IL1R2: variants seen among roughly 807,000 people sequenced by gnomAD.
IL1R2 encodes the protein interleukin 1 receptor type 2.
IL1R2 carries 46 observed loss-of-function variants against 39.5 expected under a neutral mutation model. That is an observed-to-expected ratio of 1.16 (90% CI 0.92 to 1.49). The LOEUF (loss-of-function observed/expected upper bound fraction) is 1.49, where lower values mean the gene tolerates loss of function less well. Among genes scored for constraint, IL1R2 ranks in the 40% most tolerant of loss-of-function variants. The pLI, the probability that IL1R2 is intolerant of heterozygous loss-of-function variation, is 0.00. For missense variants in IL1R2, 537 were observed against 502.0 expected, an observed-to-expected ratio of 1.07 and a Z score of -0.67; for synonymous variants, 207 against 189.6, an observed-to-expected ratio of 1.09 and a Z score of -0.75.
In IL1R2 at chr2:102,019,805, C is replaced by A; in HGVS notation, c.681C>A (p.Arg227=). The change falls in exon 5 of 9, where the codon CGC becomes CGA. Residue 227 remains arginine, a synonymous_variant. Coordinates refer to ENST00000332549, the MANE Select transcript of IL1R2 (RefSeq NM_004633.4). ...ACATCACTAGGAGTATTGAGCTACG[C>A]ATCAAGAGTAAGTACTTGCCATTGA... ...QYNITRSIEL[R]IKKKKEETIP... The A allele has an allele frequency of 6.2e-7, 1 of 1,613,342 alleles. No individual in the cohort carries two copies. The highest frequency in any genetic ancestry group is 8.5e-7 in the Non-Finnish European group (1 of 1,179,602).
chr2:102,000,654 T>C (rs1365500899), intron 1 of IL1R2, among the ~76,000 whole-genome samples: 2 of 152,134 alleles, frequency 1.3e-5, no homozygotes, highest in Admixed American at 6.5e-5. Context: ...CAGATAGACT[T>C]AATGGCTTCT....
At chr2:102,023,843 C>G (rs898743327) in intron 6 of IL1R2, among the ~76,000 whole-genome samples, 1 of 151,656 alleles carries the variant, frequency 6.6e-6, no homozygotes, top group South Asian at 2.1e-4. Context: ...GTTAGGAGAT[C>G]GAGACCATCC....
chr2:102,016,726 A>G (rs1433074602), intron 4 of IL1R2, among the ~76,000 whole-genome samples: 1 of 152,224 alleles, frequency 6.6e-6, no homozygotes, highest in Admixed American at 6.5e-5. Context: ...GGGCATTTAC[A>G]TTGTATTAGT....
At chr2:101,997,092 G>T (rs1675627845) in intron 1 of IL1R2, among the ~76,000 whole-genome samples, 1 of 152,174 alleles carries the variant, frequency 6.6e-6, no homozygotes, top group African/African-American at 2.4e-5. Context: ...GTGGTGGGCA[G>T]CTGATCCACA....
At chr2:102,025,380 A>G (rs1458960120) in intron 7 of IL1R2, among the ~76,000 whole-genome samples, 2 of 152,250 alleles carry the variant, frequency 1.3e-5, no homozygotes, top group Non-Finnish European at 2.9e-5. Context: ...GTGGATAAAA[A>G]CTATGTGTGG....
At position 102,028,471 on chromosome 2, in the gene IL1R2, T is replaced by G. The variant is rs1004609913; in HGVS notation, c.*79T>G. 3 of 1,288,564 alleles carry G rather than the reference T, an allele frequency of 2.3e-6. No individual in the cohort carries two copies. Among genetic ancestry groups the G allele is most frequent in the Admixed American group, 4.8e-5 (2 of 41,900 alleles). The allele number at this position is 1,288,564 out of a possible 1,614,324, so 79.8% of individuals were successfully genotyped here. ...AAGTGGCTGTGTCTTTTTGAGGGAC[T>G]CTGTTCTTTGCCTCAGTTGTCTACC... On this transcript the variant is annotated 3_prime_UTR_variant, in exon 9 of 9. Transcript: ENST00000332549.
chr2:102,005,534 T>C (rs1676207648), intron 1 of IL1R2, among the ~76,000 whole-genome samples: 2 of 152,138 alleles, frequency 1.3e-5, no homozygotes, highest in Non-Finnish European at 2.9e-5. Flanking sequence ...AGGACTCAGG[T>C]TCCCCTCTTA....
At chr2:102,013,551 AAGG>A (rs1559421378) in intron 3 of IL1R2, among the ~76,000 whole-genome samples, 53 of 119,542 alleles carry the variant, frequency 4.4e-4, no homozygotes, top group Middle Eastern at 4.3e-3. Flanking sequence ...AAAAAAAAAA[AAGG>A]AAAGAAAGAA....
chr2:101,993,027 G>A (rs1462701153), intron 1 of IL1R2, among the ~76,000 whole-genome samples: 1 of 152,104 alleles, frequency 6.6e-6, no homozygotes, highest in Non-Finnish European at 1.5e-5. Flanking sequence ...AAATCGCAGT[G>A]GAATCTAACA....
At chr2:101,993,649 T>G (rs905538065) in intron 1 of IL1R2, among the ~76,000 whole-genome samples, 1 of 152,202 alleles carries the variant, frequency 6.6e-6, no homozygotes, top group Non-Finnish European at 1.5e-5. Flanking sequence ...TGTTTCTCCC[T>G]ATCTCTGTTC....
intron 1 of IL1R2, among the ~76,000 whole-genome samples, chr2:101,999,916 TTA>T (rs1675767194): frequency 6.6e-6 from 1 of 152,254 alleles, no homozygotes; most frequent in Non-Finnish European, 1.5e-5. Flanking sequence ...TATAGAACAC[TTA>T]TATGTTCTAT....
chr2:102,008,526 C>G lies in IL1R2; in HGVS notation c.-50C>G, dbSNP rs367941183. On this transcript the variant is annotated 5_prime_UTR_variant, in exon 2 of 9. Transcript: ENST00000332549. ...GTTTCCTCCCCTAGGCCACGTGCTG[C>G]TGGGTCTCAGTCCTCCACTTCCCGT... is the stretch of plus-strand genomic sequence containing the variant. 2.7e-6 allele frequency: 4 copies of G among 1,477,906 alleles called. No individual in the cohort carries two copies. The highest frequency in any genetic ancestry group is 3.8e-6 in the Non-Finnish European group (4 of 1,056,116). The allele number at this position is 1,477,906 out of a possible 1,614,324, so 91.5% of individuals were successfully genotyped here. A position where few individuals can be genotyped will look rare whatever the true frequency, so the allele number is the denominator to read the frequency against.
chr2:102,022,379 C>G (rs904641431), intron 6 of IL1R2, 130 bp downstream of exon 6: 7 of 743,444 alleles, frequency 9.4e-6, no homozygotes, highest in Admixed American at 2.2e-5. Flanking sequence ...GGGTGGAGAC[C>G]TTAGAACTCC....
At chr2:102,000,461 G>A (rs1234186701) in intron 1 of IL1R2, among the ~76,000 whole-genome samples, 1 of 152,156 alleles carries the variant, frequency 6.6e-6, no homozygotes, top group Non-Finnish European at 1.5e-5. Context: ...AGACTTCTTT[G>A]GAGCTTCCCC....
intron 3 of IL1R2, among the ~76,000 whole-genome samples, chr2:102,013,576 G>GA (rs1559421494): frequency 5.5e-5 from 3 of 54,702 alleles, no homozygotes; most frequent in Non-Finnish European, 8.0e-5. Flanking sequence ...AGAAAAGAAG[G>GA]AAAAGAAAAA....
chr2:101,992,072 GGAGAGAGAGAGAGAAAGAGAGAGA>G (rs1435827547), intron 1 of IL1R2, 61 bp downstream of exon 1: 1 of 136,304 alleles, frequency 7.3e-6, no homozygotes, highest in South Asian at 2.3e-4. Context: ...AGAGAGAGAG[GGAGAGAGAGAGAGAAAGAGAGAGA>G]GAGAGAGAGA....
chr2:102,007,153 GGTTA>G (rs1483431787), intron 1 of IL1R2, among the ~76,000 whole-genome samples: 1 of 152,158 alleles, frequency 6.6e-6, no homozygotes, highest in Admixed American at 6.5e-5. Context: ...TTGTGGCCGT[GGTTA>G]GCAGACACAG....
intron 1 of IL1R2, among the ~76,000 whole-genome samples, chr2:102,000,463 A>C (rs1204771269): frequency 6.6e-6 from 1 of 152,168 alleles, no homozygotes; most frequent in South Asian, 2.1e-4. Context: ...ACTTCTTTGG[A>C]GCTTCCCCAC....
chr2:101,997,483 T>TG (rs1675650155), intron 1 of IL1R2, among the ~76,000 whole-genome samples: 1 of 152,148 alleles, frequency 6.6e-6, no homozygotes, highest in Non-Finnish European at 1.5e-5. Flanking sequence ...CTCAGGGCCT[T>TG]GGGGAAGTGG....
Sources: gnomAD v4.1 joint callset for allele counts (sites outside exome capture counted in the v4.1 genomes callset) on GRCh38, gnomAD v4.1.1 for gene constraint, MANE v1.5 for transcripts, NCBI Gene and HGNC (gene_info 2026-07-23, HGNC 2026-07-21) for gene names.